AP2B1: variants seen among roughly 807,000 people sequenced by gnomAD.
The protein encoded by AP2B1 is adaptor related protein complex 2 subunit beta 1, also known as AP-2 complex subunit beta.
A neutral mutation model predicts 102.0 loss-of-function variants in AP2B1; 23 were observed. That is an observed-to-expected ratio of 0.23 (90% CI 0.16 to 0.32). The LOEUF is 0.32. AP2B1 is among the 10% of genes least tolerant of loss of function. The pLI is 1.00. For synonymous variants in AP2B1, 381 were observed against 421.2 expected, an observed-to-expected ratio of 0.90 and a Z score of 1.17; for missense variants, 541 against 1,157.4, an observed-to-expected ratio of 0.47 and a Z score of 7.73.
chr17:35,626,920 A>G (rs1432578274), intron 7 of AP2B1, 78 bp downstream of exon 7: 2 of 1,307,628 alleles, frequency 1.5e-6, no homozygotes, highest in Non-Finnish European at 2.2e-6. Flanking sequence ...TAATTAGGCT[A>G]GTGTTAATCT....
chr17:35,608,604 A>T (rs916160959), intron 5 of AP2B1, among the ~76,000 whole-genome samples: 7 of 152,158 alleles, frequency 4.6e-5, no homozygotes, highest in African/African-American at 1.7e-4. Context: ...AAATCTTTGT[A>T]TTGTACTTAT....
Position 35,637,938 on chromosome 17 carries a change from G to A in AP2B1, c.1271+1482G>A, listed in dbSNP as rs62079755. Among the ~76,000 whole-genome samples, 290 of 151,576 alleles carry A rather than the reference G, an allele frequency of 1.9e-3. 1 individual carries two copies. The highest frequency in any genetic ancestry group is 3.7e-3 in the Non-Finnish European group (252 of 67,802). On this transcript the variant is annotated intron_variant, in intron 10 of 21. Coordinates refer to ENST00000610402, the MANE Select transcript of AP2B1 (RefSeq NM_001030006.2). ...GACCTCAAGTGATCCCCCCCACCTC[G>A]CCCTCCCAAAGTGCTAGGATTATGG...
intron 12 of AP2B1, among the ~76,000 whole-genome samples, chr17:35,649,550 G>A (rs536163519): frequency 2.2e-4 from 34 of 152,116 alleles, no homozygotes; most frequent in East Asian, 1.7e-3. Context: ...GATTACAGGC[G>A]TAAGCCACCG....
intron 13 of AP2B1, among the ~76,000 whole-genome samples, chr17:35,652,116 T>C (rs2142837807): frequency 6.6e-6 from 1 of 152,334 alleles, no homozygotes; most frequent in African/African-American, 2.4e-5. Flanking sequence ...AAAGAAAGTG[T>C]CTTACATAAG....
intron 21 of AP2B1, among the ~76,000 whole-genome samples, chr17:35,717,706 G>A (rs2085219930): frequency 6.6e-6 from 1 of 152,176 alleles, no homozygotes; most frequent in Non-Finnish European, 1.5e-5. Context: ...TGTTTACATA[G>A]TTAATGTCCA....
At chr17:35,660,684 A>G (rs940362526) in intron 14 of AP2B1, among the ~76,000 whole-genome samples, 33 of 151,870 alleles carry the variant, frequency 2.2e-4, no homozygotes, top group Non-Finnish European at 2.1e-4. Context: ...GAGCTTTACC[A>G]TGTTGGCCAG....
chr17:35,706,731 C>A (rs965309330), intron 18 of AP2B1, among the ~76,000 whole-genome samples: 1 of 152,086 alleles, frequency 6.6e-6, no homozygotes, highest in Non-Finnish European at 1.5e-5. Flanking sequence ...ACCTCTGCCT[C>A]CCGGGTTCAA....
chr17:35,723,286 C>T (rs587617327), intron 21 of AP2B1, among the ~76,000 whole-genome samples: 16 of 152,322 alleles, frequency 1.1e-4, no homozygotes, highest in Middle Eastern at 3.4e-3. Flanking sequence ...GGCTTTGGCC[C>T]TTCCCTTTTC....
intron 1 of AP2B1, among the ~76,000 whole-genome samples, chr17:35,593,365 TG>T: frequency 1.3e-5 from 2 of 152,282 alleles, no homozygotes; most frequent in South Asian, 4.1e-4. Flanking sequence ...TTTACACTAA[TG>T]TAATTATTAT....
chr17:35,664,728 G>A (rs1026852740), intron 14 of AP2B1, among the ~76,000 whole-genome samples: 8 of 152,256 alleles, frequency 5.3e-5, no homozygotes, highest in Middle Eastern at 3.4e-3. Context: ...GCAACCTTAC[G>A]AAACAGTCCT....
intron 19 of AP2B1, among the ~76,000 whole-genome samples, chr17:35,709,704 A>G (rs1018160454): frequency 3.3e-5 from 5 of 152,208 alleles, no homozygotes; most frequent in African/African-American, 7.2e-5. Flanking sequence ...GAGATAATAC[A>G]TGTAAATTTA....
intron 5 of AP2B1, among the ~76,000 whole-genome samples, chr17:35,613,954 GT>G (rs2073939633): frequency 6.6e-6 from 1 of 152,120 alleles, no homozygotes; most frequent in Non-Finnish European, 1.5e-5. Flanking sequence ...AATGTCACAA[GT>G]ATATATTTGC....
At chr17:35,632,469 C>T (rs1300244026) in intron 9 of AP2B1, among the ~76,000 whole-genome samples, 4 of 152,074 alleles carry the variant, frequency 2.6e-5, no homozygotes, top group Admixed American at 6.6e-5. Flanking sequence ...TTTAATCAAC[C>T]GGGAAATAAT....
chr17:35,670,518 G>T (rs1246028918), intron 14 of AP2B1, among the ~76,000 whole-genome samples: 1 of 152,014 alleles, frequency 6.6e-6, no homozygotes, highest in Admixed American at 6.6e-5. Flanking sequence ...ATTGCCGCTT[G>T]GGGATAGAGC....
In AP2B1 at chr17:35,620,920, AT is replaced by A. The variant is rs1317130870; in HGVS notation, c.526-3471del. Among the ~76,000 whole-genome samples, 3 of 152,304 alleles carry A rather than the reference AT, an allele frequency of 2.0e-5. No individual in the cohort carries two copies. In the South Asian group the frequency reaches 6.2e-4, roughly 32 times the overall value. On this transcript the variant is annotated intron_variant, in intron 5 of 21. Transcript: ENST00000610402. ...TCAGTATTTCCTAAGAGAAATGCCA[AT>A]TTTTTGACAGGAGAAGTGTTACACA...
rs587674720 is a variant in AP2B1 at position 35,724,607 on chromosome 17, T to G, written c.*908T>G. On this transcript the variant is annotated 3_prime_UTR_variant, in exon 22 of 22. Coordinates refer to ENST00000610402, the MANE Select transcript of AP2B1 (RefSeq NM_001030006.2). ...CCAGTTCAAATCTAAAATTCTACTT[T>G]TAGAGTTGAAACAGAGTAATAACTT... 2 of 152,298 alleles carry G rather than the reference T, an allele frequency of 1.3e-5. No homozygotes were observed. The highest frequency in any genetic ancestry group is 1.3e-4 in the Admixed American group (2 of 15,304). The allele number at this position is 152,298 out of a possible 1,614,324, so 9.4% of individuals were successfully genotyped here.
chr17:35,642,442 G>A (rs2074809521), intron 12 of AP2B1, among the ~76,000 whole-genome samples: 1 of 152,092 alleles, frequency 6.6e-6, no homozygotes, highest in Admixed American at 6.6e-5. Context: ...GGATCTCCTT[G>A]GAATTATTTG....
At chr17:35,605,240 CTT>C (rs138677421) in intron 3 of AP2B1, among the ~76,000 whole-genome samples, 16,760 of 52,018 alleles carry the variant, frequency 0.32, 1,069 homozygotes, top group East Asian at 0.37. Context: ...CTTTTCTTTT[CTT>C]TTTTTTTTTC....
intron 14 of AP2B1, among the ~76,000 whole-genome samples, chr17:35,665,273 G>A (rs1036850940): frequency 4.0e-5 from 6 of 149,208 alleles, no homozygotes; most frequent in African/African-American, 9.9e-5. Flanking sequence ...GTCTACAGGC[G>A]CCCACCACTA....
Sources: gnomAD v4.1 joint callset for allele counts (sites outside exome capture counted in the v4.1 genomes callset) on GRCh38, gnomAD v4.1.1 for gene constraint, MANE v1.5 for transcripts, NCBI Gene and HGNC (gene_info 2026-07-23, HGNC 2026-07-21) for gene names.